MB21D2: variants seen among roughly 807,000 people sequenced by gnomAD.
MB21D2 encodes the protein nucleotidyltransferase MB21D2.
In MB21D2, 9 loss-of-function variants were observed where a neutral mutation model predicts 33.3. The observed-to-expected ratio is 0.27, with a 90% CI of 0.16 to 0.47. The LOEUF is 0.47. Among genes scored for constraint, MB21D2 ranks in the 20% least tolerant of loss-of-function variants. The probability of loss-of-function intolerance (pLI) is 0.99; values close to 1 mark genes in which losing one functional copy is unlikely to be tolerated. For synonymous variants in MB21D2, 241 were observed against 236.3 expected (o/e 1.02, Z -0.18); for missense variants, 540 against 624.6 (o/e 0.86, Z 1.44).
rs147300923 is a variant in MB21D2 at position 192,819,545 on chromosome 3, T to C, written c.212-19895A>G. On this transcript the variant is annotated intron_variant, in intron 1 of 1. Transcript: ENST00000392452. ...GTTTTACTTATTGGGCTTCCTCTTA[T>C]GCTTCTATTTGAGGGAAGAGTCCTA... Among the ~76,000 whole-genome samples, 332 of 152,328 alleles carry C rather than the reference T, an allele frequency of 2.2e-3. 1 individual carries two copies. The highest frequency in any genetic ancestry group is 7.7e-3 in the African/African-American group (321 of 41,576).
At chr3:192,905,304 G>A (rs1714185571) in intron 1 of MB21D2, among the ~76,000 whole-genome samples, 1 of 152,078 alleles carries the variant, frequency 6.6e-6, no homozygotes, top group Non-Finnish European at 1.5e-5. Context: ...TGCCAGCTTG[G>A]GCAACATGGC....
chr3:192,913,634 G>A (rs1321721843), intron 1 of MB21D2, among the ~76,000 whole-genome samples: 2 of 150,580 alleles, frequency 1.3e-5, no homozygotes, highest in Non-Finnish European at 3.0e-5. Context: ...GACCAGCCTG[G>A]GCAACATAGT....
intron 1 of MB21D2, among the ~76,000 whole-genome samples, chr3:192,861,403 T>TA (rs1464341903): frequency 1.3e-5 from 2 of 152,130 alleles, no homozygotes; most frequent in Non-Finnish European, 1.5e-5. Flanking sequence ...TTGCCTAGAG[T>TA]AACAGTACAA....
intron 1 of MB21D2, among the ~76,000 whole-genome samples, chr3:192,812,982 C>T (rs1171283398): frequency 6.6e-6 from 1 of 152,132 alleles, no homozygotes; most frequent in African/African-American, 2.4e-5. Context: ...TCTAGCTGGG[C>T]TTGGACGTCT....
chr3:192,807,866 A>C (rs913859360), intron 1 of MB21D2, among the ~76,000 whole-genome samples: 16 of 152,012 alleles, frequency 1.1e-4, no homozygotes, highest in African/African-American at 3.4e-4. Context: ...CAATCAGGAC[A>C]GGTGAAGTTA....
At position 192,870,719 on chromosome 3, in the gene MB21D2, AGGAAGGAGAG is replaced by A. The variant is rs1713274575; in HGVS notation, c.211+46901_211+46910del. ...CCGTTGAAAAAAAAAAAAAAAAAAAAGGAAGGAGAGAAGAAGGAAGGAAGGAAGGAAGATT... is the reference window on the plus strand; with the variant it reads ...CCGTTGAAAAAAAAAAAAAAAAAAAAAAGAAGGAAGGAAGGAAGGAAGATT... On this transcript the variant is annotated intron_variant, in intron 1 of 1. Coordinates refer to ENST00000392452, the MANE Select transcript of MB21D2 (RefSeq NM_178496.4). Among the ~76,000 whole-genome samples the A allele has an allele frequency of 3.0e-5, 4 of 134,584 alleles. No individual in the cohort carries two copies. In the East Asian group the frequency reaches 6.0e-4, roughly 20 times the overall value. The allele number at this position is 134,584 out of a possible 152,430, so 88.3% of individuals were successfully genotyped here.
chr3:192,858,734 T>C lies in MB21D2; in HGVS notation c.211+58896A>G, dbSNP rs569191041. 2.0e-5 allele frequency among the ~76,000 whole-genome samples: 3 copies of C among 152,340 alleles called. No individual in the cohort carries two copies. The South Asian group carries it at 6.2e-4, about 32-fold the overall frequency. On this transcript the variant is annotated intron_variant, in intron 1 of 1. Transcript: ENST00000392452. ...AGGACACAAGGTATGTCCCCAGGCC[T>C]GTCAGTTAACTGCTCACAATCTACT... is the stretch of plus-strand genomic sequence containing the variant.
At chr3:192,825,169 G>A (rs1712148104) in intron 1 of MB21D2, among the ~76,000 whole-genome samples, 3 of 152,156 alleles carry the variant, frequency 2.0e-5, no homozygotes, top group South Asian at 4.1e-4. Flanking sequence ...TTGGAGACAG[G>A]GACTCACTGT....
intron 1 of MB21D2, among the ~76,000 whole-genome samples, chr3:192,813,143 T>A (rs1363710819): frequency 6.6e-6 from 1 of 152,074 alleles, no homozygotes; most frequent in African/African-American, 2.4e-5. Flanking sequence ...CCTGAGAAAA[T>A]CCTCCTGATA....
chr3:192,872,439 G>A (rs904738302), intron 1 of MB21D2, among the ~76,000 whole-genome samples: 1 of 151,568 alleles, frequency 6.6e-6, no homozygotes, highest in African/African-American at 2.4e-5. Flanking sequence ...AGCCGCACGT[G>A]GTGGCGAGCG....
chr3:192,872,554 C>T (rs1401644717), intron 1 of MB21D2, among the ~76,000 whole-genome samples: 3 of 146,076 alleles, frequency 2.1e-5, no homozygotes, highest in Non-Finnish European at 4.5e-5. Context: ...CCAGCCTGGG[C>T]CACAGAGCGA....
At chr3:192,823,572 T>C (rs1301872253) in intron 1 of MB21D2, among the ~76,000 whole-genome samples, 5 of 152,106 alleles carry the variant, frequency 3.3e-5, no homozygotes, top group African/African-American at 9.7e-5. Context: ...AGAGAATCGC[T>C]TGAACCTGGG....
chr3:192,850,902 A>G (rs2108629344), intron 1 of MB21D2, among the ~76,000 whole-genome samples: 1 of 152,362 alleles, frequency 6.6e-6, no homozygotes, highest in Middle Eastern at 3.4e-3. Flanking sequence ...TATGTCTTCT[A>G]TCCTGTGACT....
At chr3:192,808,222 T>A (rs1398708750) in intron 1 of MB21D2, among the ~76,000 whole-genome samples, 5 of 152,174 alleles carry the variant, frequency 3.3e-5, no homozygotes, top group African/African-American at 9.7e-5. Context: ...CTGGGAGAAC[T>A]GGGAATCTGT....
At chr3:192,898,933 G>A (rs572487979) in intron 1 of MB21D2, among the ~76,000 whole-genome samples, 27 of 152,340 alleles carry the variant, frequency 1.8e-4, no homozygotes, top group Non-Finnish European at 3.2e-4. Context: ...GCCTCTGTGG[G>A]CAGGAGGATG....
chr3:192,878,100 TTG>T lies in MB21D2; in HGVS notation c.211+39528_211+39529del, dbSNP rs1221158557. ...CCTCCTCTTTTTTTTTTTTTTTTTT[TTG>T]GTTTTTTTTGTTTTTGAGACGGAGT... On this transcript the variant is annotated intron_variant, in intron 1 of 1. Transcript: ENST00000392452. Among the ~76,000 whole-genome samples the T allele has an allele frequency of 5.8e-3, 523 of 90,844 alleles. 12 individuals are homozygous for T. Among genetic ancestry groups the T allele is most frequent in the East Asian group, 0.051 (168 of 3,268 alleles). 59.6% of individuals were successfully genotyped at this position (90,844 alleles called of 152,430 possible). A position where few individuals can be genotyped will look rare whatever the true frequency, so the allele number is the denominator to read the frequency against.
chr3:192,881,934 A>T (rs775295852), intron 1 of MB21D2, among the ~76,000 whole-genome samples: 1 of 152,134 alleles, frequency 6.6e-6, no homozygotes, highest in African/African-American at 2.4e-5. Context: ...TGGGATCCAA[A>T]GGAACTGTGA....
At chr3:192,827,635 T>C (rs1288361157) in intron 1 of MB21D2, among the ~76,000 whole-genome samples, 1 of 152,118 alleles carries the variant, frequency 6.6e-6, no homozygotes, top group African/African-American at 2.4e-5. Flanking sequence ...AGTCAGAAAC[T>C]AAAACCAGGT....
chr3:192,912,463 G>C (rs1714377385), intron 1 of MB21D2, among the ~76,000 whole-genome samples: 1 of 152,160 alleles, frequency 6.6e-6, no homozygotes, highest in East Asian at 1.9e-4. Context: ...GAGGTCAGGA[G>C]TTCTAGACCA....
Sources: gnomAD v4.1 joint callset for allele counts (sites outside exome capture counted in the v4.1 genomes callset) on GRCh38, gnomAD v4.1.1 for gene constraint, MANE v1.5 for transcripts, NCBI Gene and HGNC (gene_info 2026-07-23, HGNC 2026-07-21) for gene names.